MYO5A: variants seen among roughly 807,000 people sequenced by gnomAD.
MYO5A encodes myosin VA.
MYO5A carries 98 observed loss-of-function variants against 249.7 expected under a neutral mutation model. The ratio of observed to expected loss-of-function variants is 0.39; its 90% confidence interval spans 0.33 to 0.46. The LOEUF (loss-of-function observed/expected upper bound fraction) is 0.46. Among genes scored for constraint, MYO5A ranks in the 20% least tolerant of loss-of-function variants. The probability of loss-of-function intolerance (pLI) is 0.98; values close to 1 mark genes in which losing one functional copy is unlikely to be tolerated. For synonymous variants in MYO5A, 778 were observed against 810.6 expected, an observed-to-expected ratio of 0.96 and a Z score of 0.68; for missense variants, 1,696 against 2,308.8, an observed-to-expected ratio of 0.73 and a Z score of 5.44.
intron 1 of MYO5A, chr15:52,435,618 A>G: frequency 1.1e-5 from 5 of 453,906 alleles, no homozygotes; most frequent in South Asian, 3.1e-5. Context: ...AAGCCTTCCT[A>G]TTGGGAAGCT....
chr15:52,516,982 C>T (rs1267331014), intron 1 of MYO5A, among the ~76,000 whole-genome samples: 1 of 152,052 alleles, frequency 6.6e-6, no homozygotes, highest in Non-Finnish European at 1.5e-5. Flanking sequence ...ATAAAAGCAA[C>T]AATAATGACA....
At chr15:52,343,043 G>T in intron 31 of MYO5A, 74 bp downstream of exon 31, 9 of 1,206,116 alleles carry the variant, frequency 7.5e-6, no homozygotes, top group Non-Finnish European at 1.1e-5. Flanking sequence ...ATACAGGGGT[G>T]AAAGTCAGGA....
chr15:52,318,118 A>G (rs1430882903), intron 39 of MYO5A, among the ~76,000 whole-genome samples: 1 of 152,172 alleles, frequency 6.6e-6, no homozygotes, highest in Admixed American at 6.5e-5. Context: ...GATAGGAGAA[A>G]TCATTTTTCC....
chr15:52,471,722 G>A (rs2076476594), intron 1 of MYO5A, among the ~76,000 whole-genome samples: 1 of 152,104 alleles, frequency 6.6e-6, no homozygotes, highest in African/African-American at 2.4e-5. Context: ...GGGGTGGACA[G>A]GGTCTCATTC....
intron 1 of MYO5A, among the ~76,000 whole-genome samples, chr15:52,467,354 G>A (rs1018435547): frequency 6.6e-6 from 1 of 152,090 alleles, no homozygotes; most frequent in African/African-American, 2.4e-5. Flanking sequence ...GAAATTCTGG[G>A]TCTGAAAAAT....
At chr15:52,337,599 C>CTAGTA (rs2039177188) in intron 33 of MYO5A, among the ~76,000 whole-genome samples, 1 of 152,148 alleles carries the variant, frequency 6.6e-6, no homozygotes, top group Non-Finnish European at 1.5e-5. Flanking sequence ...CACTGTAAGC[C>CTAGTA]TAGTGTTAAT....
At chr15:52,450,843 G>GTT (rs56842960) in intron 1 of MYO5A, among the ~76,000 whole-genome samples, 3,246 of 84,136 alleles carry the variant, frequency 0.039, 132 homozygotes, top group Middle Eastern at 0.081. Flanking sequence ...CACTACTGTG[G>GTT]TTTTTTTTTT....
chr15:52,397,279 C>T lies in MYO5A; in HGVS notation c.1241G>A (p.Trp414Ter), dbSNP rs2042530847. 6.2e-7 allele frequency: 1 copy of T among 1,613,942 alleles called. No homozygotes were observed. The highest frequency in any genetic ancestry group is 1.7e-5 in the Admixed American group (1 of 59,988). ...AKHIYAKLFN[W>*]IVDNVNQALH... ...AGCCTGATTGACATTATCTACAATC[C>T]AGTTAAAGAGCTTGGCATAGATGTG... is the stretch of plus-strand genomic sequence containing the variant. The change falls in exon 10 of 42, where the codon TGG becomes TAG. Residue 414 changes from tryptophan to a stop codon, truncating the protein, a stop_gained. Transcript: ENST00000399233. LOFTEE classifies it high-confidence loss of function.
chr15:52,526,405 C>T (rs1227042641), intron 1 of MYO5A, among the ~76,000 whole-genome samples: 1 of 151,808 alleles, frequency 6.6e-6, no homozygotes, highest in Non-Finnish European at 1.5e-5. Flanking sequence ...CAGAGTTTCG[C>T]TCTTGTTGCC....
At position 52,367,026 on chromosome 15, in the gene MYO5A, T is replaced by G. The variant is rs2040847283; in HGVS notation, c.3160+5A>C. The G allele has an allele frequency of 1.2e-6, 2 of 1,613,178 alleles. No homozygotes were observed. Among genetic ancestry groups the G allele is most frequent in the South Asian group, 2.2e-5 (2 of 91,082 alleles). On this transcript the variant is annotated splice_donor_5th_base_variant and intron_variant, in intron 23 of 41. Transcript: ENST00000399233. ...GTTGGCGTGTAGTACGCATATAAGCTTTACCTGTCATCTCCTTAGCCTGCT... is the reference window on the plus strand; with the variant it reads ...GTTGGCGTGTAGTACGCATATAAGCGTTACCTGTCATCTCCTTAGCCTGCT...
rs2042533201 is a variant in MYO5A, at chr15:52,397,338, C to A, written c.1182G>T (p.Leu394=). ...TETYIKPISK[L]QATNARDALA... ...AAGCATCGCGGGCATTCGTGGCCTGCAGCTTGGAGATGGGCTTGATGTATG... is the reference window on the plus strand; with the variant it reads ...AAGCATCGCGGGCATTCGTGGCCTGAAGCTTGGAGATGGGCTTGATGTATG... The change falls in exon 10 of 42, where the codon CTG becomes CTT. Residue 394 remains leucine, a synonymous_variant. Coordinates refer to ENST00000399233, the MANE Select transcript of MYO5A (RefSeq NM_001382347.1). 1 of 1,613,954 alleles carries A rather than the reference C, an allele frequency of 6.2e-7. No homozygotes were observed. The highest frequency in any genetic ancestry group is 8.5e-7 in the Non-Finnish European group (1 of 1,180,000).
chr15:52,480,206 A>G (rs2076687208), intron 1 of MYO5A, among the ~76,000 whole-genome samples: 1 of 152,224 alleles, frequency 6.6e-6, no homozygotes, highest in Non-Finnish European at 1.5e-5. Flanking sequence ...AAGAAATAAG[A>G]ACTAAATACT....
At chr15:52,326,599 G>C (rs982620676) in intron 36 of MYO5A, among the ~76,000 whole-genome samples, 3 of 152,146 alleles carry the variant, frequency 2.0e-5, no homozygotes, top group African/African-American at 4.8e-5. Flanking sequence ...GTTTCAGTTG[G>C]GGAGAATGAA....
intron 31 of MYO5A, 109 bp downstream of exon 31, chr15:52,343,008 C>G (rs1293143840): frequency 1.1e-6 from 1 of 884,242 alleles, no homozygotes; most frequent in African/African-American, 1.6e-5. Flanking sequence ...CTAATTTACC[C>G]AAGAAGACAA....
chr15:52,375,554 A>C, intron 19 of MYO5A, 94 bp from the exon 20 acceptor site: 1 of 1,269,838 alleles, frequency 7.9e-7, no homozygotes, highest in Non-Finnish European at 1.1e-6. Flanking sequence ...TGTTTTAGGC[A>C]TAAATAGTAC....
chr15:52,487,581 G>C (rs1021969080), intron 1 of MYO5A, among the ~76,000 whole-genome samples: 1 of 151,750 alleles, frequency 6.6e-6, no homozygotes, highest in Admixed American at 6.6e-5. Flanking sequence ...AAAATTAGCC[G>C]AGCATGGTGA....
At chr15:52,456,412 T>C (rs1350380563) in intron 1 of MYO5A, among the ~76,000 whole-genome samples, 1 of 152,090 alleles carries the variant, frequency 6.6e-6, no homozygotes, top group Non-Finnish European at 1.5e-5. Context: ...ACAGATTCAA[T>C]GCAATCCATT....
chr15:52,469,604 C>A (rs189230547), intron 1 of MYO5A, among the ~76,000 whole-genome samples: 12 of 152,214 alleles, frequency 7.9e-5, no homozygotes, highest in African/African-American at 2.4e-4. Flanking sequence ...TACAGAAATA[C>A]GTCATAATTT....
chr15:52,371,250 CT>C (rs2041097908), intron 21 of MYO5A, among the ~76,000 whole-genome samples: 1 of 152,102 alleles, frequency 6.6e-6, no homozygotes, highest in African/African-American at 2.4e-5. Context: ...CCCTGTTTTG[CT>C]TTGCTCTCCT....
Sources: allele counts gnomAD v4.1 joint callset (sites outside exome capture counted in the v4.1 genomes callset), GRCh38; gene constraint gnomAD v4.1.1; transcripts MANE v1.5; gene names NCBI Gene and HGNC (gene_info 2026-07-23, HGNC 2026-07-21).